The following SYCP2 variants were observed in gnomAD, a reference collection of about 807,000 sequenced individuals.
SYCP2 encodes the protein synaptonemal complex lateral element protein.
SYCP2 carries 55 observed loss-of-function variants against 211.3 expected under a neutral mutation model. That is an observed-to-expected ratio of 0.26 (90% CI 0.21 to 0.33). SYCP2 has a LOEUF of 0.33. Ranked by LOEUF, SYCP2 falls within the 10% of genes least tolerant of loss-of-function variation. SYCP2 has a pLI of 1.00. For missense variants in SYCP2, 1,731 were observed against 1,752.0 expected, an observed-to-expected ratio of 0.99 and a Z score of 0.21; for synonymous variants, 570 against 555.2, an observed-to-expected ratio of 1.03 and a Z score of -0.37.
rs2060296004 is a variant in SYCP2 at position 59,910,384 on chromosome 20, T to TTA, written c.972+1365_972+1366insTA. Among the ~76,000 whole-genome samples the TTA allele has an allele frequency of 3.7e-5, 5 of 133,406 alleles. No individual in the cohort carries two copies. In the East Asian group the frequency reaches 1.1e-3, roughly 28 times the overall value. 87.5% of individuals were successfully genotyped at this position (133,406 alleles called of 152,430 possible). A position where few individuals can be genotyped will look rare whatever the true frequency, so the allele number is the denominator to read the frequency against. Reference sequence around the variant, plus strand: ...ATAGTGTAATTGCTTATTTTTTTTTTTTTTTTTTTTTTTTTTGAGACAGTC... The same window carrying TTA: ...ATAGTGTAATTGCTTATTTTTTTTTTTATTTTTTTTTTTTTTTTGAGACAGTC... On this transcript the variant is annotated intron_variant, in intron 14 of 44. Transcript: ENST00000357552.
At chr20:59,880,870 CAA>C in intron 30 of SYCP2, 94 bp downstream of exon 30, 1 of 605,708 alleles carries the variant, frequency 1.7e-6, no homozygotes, top group Non-Finnish European at 2.7e-6. Flanking sequence ...ATAAAACAAT[CAA>C]AATGTTTTTG....
chr20:59,895,540 T>C lies in SYCP2; in HGVS notation c.1562A>G (p.Glu521Gly), dbSNP rs2059991572. 4 of 1,610,798 alleles carry C rather than the reference T, an allele frequency of 2.5e-6. No homozygotes were observed. The highest frequency in any genetic ancestry group is 3.4e-6 in the Non-Finnish European group (4 of 1,177,518). Residue 521 changes from glutamate to glycine, a missense_variant, in exon 20 of 45, where the codon GAG (glutamate) becomes GGG (glycine). Physicochemically the swap from Glu to Gly is moderately conservative, Grantham distance 98. Transcript: ENST00000357552. ...TGATGTTTGAGAAACACTAGGTTTC[T>C]CTGCAGAGCTCGTCATTTGCAGTGG... ...KPPLQMTSSA[E>G]KPSVSQTSEN...
chr20:59,879,590 T>C (rs1051341407), intron 31 of SYCP2, among the ~76,000 whole-genome samples: 8 of 151,442 alleles, frequency 5.3e-5, no homozygotes, highest in African/African-American at 1.9e-4. Flanking sequence ...TAATTCTCTC[T>C]AGCCAAAACT....
At chr20:59,907,263 T>C (rs1435064474) in intron 15 of SYCP2, 101 bp downstream of exon 15, 2 of 730,700 alleles carry the variant, frequency 2.7e-6, no homozygotes, top group Non-Finnish European at 4.6e-6. Flanking sequence ...AAAATATTGA[T>C]TTTGCTTTCA....
chr20:59,902,346 A>G (rs2060130220), intron 15 of SYCP2, among the ~76,000 whole-genome samples: 2 of 152,144 alleles, frequency 1.3e-5, no homozygotes, highest in African/African-American at 4.8e-5. Context: ...AACAGAGAAT[A>G]CAGCAAGTAC....
At chr20:59,886,595 C>T (rs2059793137) in intron 25 of SYCP2, 112 bp downstream of exon 25, 8 of 720,432 alleles carry the variant, frequency 1.1e-5, no homozygotes, top group Non-Finnish European at 1.7e-5. Flanking sequence ...CATGTGTTTT[C>T]TACTGAAAAG....
At chr20:59,879,844 T>A (rs1051416818) in intron 31 of SYCP2, among the ~76,000 whole-genome samples, 4 of 127,914 alleles carry the variant, frequency 3.1e-5, no homozygotes, top group African/African-American at 1.4e-4. Flanking sequence ...TATATATATA[T>A]ATATATATAT....
chr20:59,879,862 T>TATATATATACACACAC (rs1469618397), intron 31 of SYCP2, among the ~76,000 whole-genome samples: 1 of 116,086 alleles, frequency 8.6e-6, no homozygotes, highest in African/African-American at 3.4e-5. Flanking sequence ...TATATATATA[T>TATATATATACACACAC]ACACACACAC....
At chr20:59,884,904 G>T (rs544625778) in intron 26 of SYCP2, among the ~76,000 whole-genome samples, 1 of 151,706 alleles carries the variant, frequency 6.6e-6, no homozygotes, top group Non-Finnish European at 1.5e-5. Flanking sequence ...AATTTAAAAG[G>T]TACCAAAACA....
intron 24 of SYCP2, among the ~76,000 whole-genome samples, chr20:59,887,710 C>A (rs549296992): frequency 2.0e-4 from 31 of 151,452 alleles, no homozygotes; most frequent in Non-Finnish European, 3.5e-4. Context: ...AATGTTTCTG[C>A]CCATAAGAAT....
chr20:59,932,219 G>A (rs562468711), intron 1 of SYCP2, 65 bp from the exon 2 acceptor site: 2 of 152,318 alleles, frequency 1.3e-5, no homozygotes, highest in South Asian at 4.1e-4. Context: ...GCAGATGGGG[G>A]AGGCAAAGAT....
rs779593153 is a variant in SYCP2, at chr20:59,920,342, A to G, written c.297+17T>C. On this transcript the variant is annotated intron_variant, in intron 5 of 44. Transcript: ENST00000357552. ...AATATTTCATTCACATGAATATGTT[A>G]CATATTCTATACTTATCTTTTGTAT... 5 of 1,571,124 alleles carry G rather than the reference A, an allele frequency of 3.2e-6. No homozygotes were observed. Among genetic ancestry groups the G allele is most frequent in the Non-Finnish European group, 4.3e-6 (5 of 1,150,928 alleles).
chr20:59,930,664 T>G (rs1183562754), intron 2 of SYCP2, among the ~76,000 whole-genome samples: 1 of 152,208 alleles, frequency 6.6e-6, no homozygotes, highest in East Asian at 1.9e-4. Flanking sequence ...GAACATGATA[T>G]GGACTCTTTA....
intron 14 of SYCP2, among the ~76,000 whole-genome samples, chr20:59,910,089 ACAGC>A (rs1351154982): frequency 1.3e-5 from 2 of 152,164 alleles, no homozygotes; most frequent in African/African-American, 4.8e-5. Flanking sequence ...TATCAGAGAA[ACAGC>A]CAGAGACCAG....
chr20:59,905,158 G>C (rs2060190781), intron 15 of SYCP2, among the ~76,000 whole-genome samples: 1 of 152,180 alleles, frequency 6.6e-6, no homozygotes, highest in African/African-American at 2.4e-5. Flanking sequence ...TAAACTGATA[G>C]TGAAAATATA....
At chr20:59,914,979 G>A (rs1020489853) in intron 10 of SYCP2, among the ~76,000 whole-genome samples, 186 bp downstream of exon 10, 3 of 151,740 alleles carry the variant, frequency 2.0e-5, no homozygotes, top group South Asian at 2.1e-4. Flanking sequence ...TGTATCTAAC[G>A]CCTACTGTCA....
At chr20:59,926,921 T>C (rs1474212950) in intron 2 of SYCP2, among the ~76,000 whole-genome samples, 1 of 152,192 alleles carries the variant, frequency 6.6e-6, no homozygotes, top group Admixed American at 6.5e-5. Flanking sequence ...CTGAAATATT[T>C]TCTCCATTTC....
At chr20:59,889,218 T>C (rs1465611659) in intron 24 of SYCP2, among the ~76,000 whole-genome samples, 3 of 151,840 alleles carry the variant, frequency 2.0e-5, no homozygotes, top group African/African-American at 7.3e-5. Context: ...TGAAGCCTAA[T>C]GTAAACTAAG....
intron 18 of SYCP2, among the ~76,000 whole-genome samples, chr20:59,898,749 G>A (rs538726389): frequency 2.6e-5 from 4 of 151,854 alleles, no homozygotes; most frequent in Admixed American, 2.6e-4. Context: ...GTTTTAAAAA[G>A]GAAAGCAAAA....
Sources: gnomAD v4.1 joint callset for allele counts (sites outside exome capture counted in the v4.1 genomes callset) on GRCh38, gnomAD v4.1.1 for gene constraint, MANE v1.5 for transcripts, NCBI Gene and HGNC (gene_info 2026-07-23, HGNC 2026-07-21) for gene names.